DHX16: variants seen among roughly 807,000 people sequenced by gnomAD.
DHX16 encodes DEAH-box helicase 16, also known as pre-mRNA-splicing factor ATP-dependent RNA helicase DHX16.
DHX16 carries 81 observed loss-of-function variants against 131.2 expected under a neutral mutation model. That is an observed-to-expected ratio of 0.62 (90% CI 0.52 to 0.74). The LOEUF (loss-of-function observed/expected upper bound fraction) is 0.74. DHX16 is among the 30% of genes least tolerant of loss of function. The probability of loss-of-function intolerance (pLI) is 0.00; values close to 1 mark genes in which losing one functional copy is unlikely to be tolerated. For synonymous variants in DHX16, 440 were observed against 520.2 expected, an observed-to-expected ratio of 0.85 and a Z score of 2.10; for missense variants, 980 against 1,363.1, an observed-to-expected ratio of 0.72 and a Z score of 4.43.
At chr6:30,653,464 G>C in intron 19 of DHX16, 94 bp from the exon 20 acceptor site, 1 of 1,403,966 alleles carries the variant, frequency 7.1e-7, no homozygotes, top group Non-Finnish European at 9.4e-7. Context: ...ACAGAGTCTT[G>C]CTCTATTGCC....
Position 30,655,541 on chromosome 6 carries a change from G to A in DHX16, c.2555C>T (p.Ser852Phe). 1 of 1,613,094 alleles carries A rather than the reference G, an allele frequency of 6.2e-7. No individual in the cohort carries two copies. Residue 852 changes from serine (S) to phenylalanine (F), a missense_variant, in exon 17 of 20, where the codon TCC (serine) becomes TTC (phenylalanine). Physicochemically the swap from Ser to Phe is radical, Grantham distance 155. Around this residue, in one of 3 missense-constraint regions of DHX16, gnomAD observed 214 missense variants for 271.2 expected, o/e 0.79. Coordinates refer to ENST00000376442, the MANE Select transcript of DHX16 (RefSeq NM_003587.5). ...TVAAMLSVNN[S>F]IFYRPKDKVV... ...CTTGTCCTTTGGTCGGTAGAAGATG[G>A]AGTTGTTGACAGAGAGCATGGCAGC...
At chr6:30,653,964 A>G (rs903708619) in intron 19 of DHX16, among the ~76,000 whole-genome samples, 3 of 151,952 alleles carry the variant, frequency 2.0e-5, no homozygotes, top group Non-Finnish European at 4.4e-5. Context: ...TACTAAAAAT[A>G]TAAAATTAGC....
rs1428734386 is a variant in DHX16 at position 30,664,735 on chromosome 6, G to A, written c.1317+66C>T. 4.3e-6 allele frequency: 6 copies of A among 1,400,632 alleles called. No individual in the cohort carries two copies. In the African/African-American group the frequency reaches 4.3e-5, roughly 10 times the overall value. 86.8% of individuals were successfully genotyped at this position (1,400,632 alleles called of 1,614,324 possible). Reference sequence around the variant, plus strand: ...CTACTAAAAATATAATGTAAAAGGAGCTCTGACAGGAATGAGGACATTGAT... The same window carrying A: ...CTACTAAAAATATAATGTAAAAGGAACTCTGACAGGAATGAGGACATTGAT... On this transcript the variant is annotated intron_variant, in intron 7 of 19. Coordinates refer to ENST00000376442, the MANE Select transcript of DHX16 (RefSeq NM_003587.5).
At position 30,656,965 on chromosome 6, in the gene DHX16, G is replaced by A. The variant is rs749725967; in HGVS notation, c.2135C>T (p.Thr712Ile). ...CCCCAGGCTGACCTTGCTGCAGGGTGTGACAGTGAGCGATTCCATGCCTGT... is the reference window on the plus strand; with the variant it reads ...CCCCAGGCTGACCTTGCTGCAGGGTATGACAGTGAGCGATTCCATGCCTGT... ...PRTGMESLTV[T>I]PCSKASANQR... Residue 712 changes from threonine to isoleucine, a missense_variant, in exon 13 of 20, where the codon ACA becomes ATA. Thr to Ile is a moderately conservative substitution (Grantham distance 89). Transcript: ENST00000376442. The surrounding 1 kb of genome is among the most constrained non-coding windows in gnomAD (Gnocchi z 5.1). The A allele has an allele frequency of 6.2e-7, 1 of 1,612,742 alleles. No individual in the cohort carries two copies. Among genetic ancestry groups the A allele is most frequent in the Non-Finnish European group, 8.5e-7 (1 of 1,179,834 alleles).
At chr6:30,660,798 C>T (rs1038590100) in intron 9 of DHX16, among the ~76,000 whole-genome samples, 3 of 151,628 alleles carry the variant, frequency 2.0e-5, no homozygotes, top group Non-Finnish European at 4.4e-5. Flanking sequence ...AGGAGAATCG[C>T]TTGAACCTGG....
chr6:30,664,189 AAAAT>A (rs750384633), intron 7 of DHX16, among the ~76,000 whole-genome samples: 14 of 151,540 alleles, frequency 9.2e-5, no homozygotes, highest in Non-Finnish European at 2.1e-4. Flanking sequence ...GCCTGTCTCC[AAAAT>A]AAGGCAGGGG....
In DHX16 at chr6:30,660,119, G is replaced by A; in HGVS notation, c.1668C>T (p.Asp556=). 1.2e-6 allele frequency: 2 copies of A among 1,612,122 alleles called. No individual in the cohort carries two copies. Among genetic ancestry groups the A allele is most frequent in the East Asian group, 2.2e-5 (1 of 44,868 alleles). The stretch of plus-strand genomic sequence containing the variant: ...CAAAGAAGGTGGAAAAACGGGCAGT[G>A]TCCATTGTGGCTGAAGCCACCAGGA... ...LKVLVASATM[D]TARFSTFFDD... Residue 556 remains aspartate, a synonymous_variant, in exon 10 of 20, where the codon GAC becomes GAT. Transcript: ENST00000376442.
At chr6:30,658,655 G>A (rs1768197459) in intron 12 of DHX16, among the ~76,000 whole-genome samples, 1 of 151,850 alleles carries the variant, frequency 6.6e-6, no homozygotes, top group Non-Finnish European at 1.5e-5. Context: ...AGGCTGCAGT[G>A]AGCCGAGATC....
Position 30,656,058 on chromosome 6 carries a change from GCAAT to G in DHX16, c.2498+136_2498+139del, listed in dbSNP as rs1767947176. ...TTACCCTTGTGGGCCTCAAAAGGGGGCAATCAGAGTTATCTAATACTTTATTATG... is the reference window on the plus strand; with the variant it reads ...TTACCCTTGTGGGCCTCAAAAGGGGGCAGAGTTATCTAATACTTTATTATG... On this transcript the variant is annotated intron_variant, in intron 16 of 19. Transcript: ENST00000376442. The surrounding 1 kb of genome is among the most constrained non-coding windows in gnomAD (Gnocchi z 5.1). The G allele has an allele frequency of 6.0e-6, 5 of 830,424 alleles. No individual in the cohort carries two copies. Among genetic ancestry groups the G allele is most frequent in the Non-Finnish European group, 9.7e-6 (5 of 517,830 alleles). 51.4% of individuals were successfully genotyped at this position (830,424 alleles called of 1,614,324 possible).
At position 30,656,077 on chromosome 6, in the gene DHX16, ACTT is replaced by A; in HGVS notation, c.2498+118_2498+120del. On this transcript the variant is annotated intron_variant, in intron 16 of 19. Transcript: ENST00000376442. This position sits in a 1 kb window ranked among gnomAD's most constrained non-coding sequence, Gnocchi z 5.1. ...AAGGGGGCAATCAGAGTTATCTAAT[ACTT>A]TATTATGTGTTAAGGGATAGTATGA... 3 of 974,628 alleles carry A rather than the reference ACTT, an allele frequency of 3.1e-6. No homozygotes were observed. The South Asian group carries it at 4.1e-5, about 13-fold the overall frequency. The allele number at this position is 974,628 out of a possible 1,614,324, so 60.4% of individuals were successfully genotyped here.
chr6:30,663,988 G>C (rs1768766967), intron 7 of DHX16, among the ~76,000 whole-genome samples: 1 of 151,738 alleles, frequency 6.6e-6, no homozygotes, highest in African/African-American at 2.4e-5. Flanking sequence ...TCGCGCCACT[G>C]CACTCCAGCC....
chr6:30,655,475 G>A lies in DHX16; in HGVS notation c.2621C>T (p.Pro874Leu). The part of the protein sequence containing the change: ...ADNARVNFFL[P>L]GGDHLVLLNV... ...TAGCAGAACCAGGTGGTCACCGCCA[G>A]GGAGAAAGAAGTTGACACGGGCATT... is the stretch of plus-strand genomic sequence containing the variant. The change falls in exon 17 of 20, where the codon CCT becomes CTT. Residue 874 changes from proline (P) to leucine (L), a missense_variant. Around this residue, in one of 3 missense-constraint regions of DHX16, gnomAD observed 214 missense variants for 271.2 expected, o/e 0.79. Transcript: ENST00000376442. 6.2e-7 allele frequency: 1 copy of A among 1,613,524 alleles called. No individual in the cohort carries two copies. The highest frequency in any genetic ancestry group is 8.5e-7 in the Non-Finnish European group (1 of 1,180,042).
chr6:30,664,742 C>T, intron 7 of DHX16, 59 bp downstream of exon 7: 2 of 1,458,384 alleles, frequency 1.4e-6, no homozygotes, highest in Non-Finnish European at 1.9e-6. Flanking sequence ...GGAGCTCTGA[C>T]AGGAATGAGG....
chr6:30,663,496 C>T (rs1009808425), intron 7 of DHX16, among the ~76,000 whole-genome samples: 3 of 151,168 alleles, frequency 2.0e-5, no homozygotes, highest in Non-Finnish European at 2.9e-5. Flanking sequence ...CCGAGGCAGA[C>T]GGATCTCCTG....
Position 30,654,748 on chromosome 6 carries a change from G to A in DHX16, c.2955C>T (p.Leu985=), listed in dbSNP as rs1767801061. ...SLFEQQPRWL[L]YHELVLTTKE... ...TGGTGGTCAAGACAAGTTCGTGGTA[G>A]AGCAGCCAGCGTGGCTGTTGCTCAA... Residue 985 remains leucine (L), a synonymous_variant, in exon 19 of 20, where the codon CTC becomes CTT. Coordinates refer to ENST00000376442, the MANE Select transcript of DHX16 (RefSeq NM_003587.5). The A allele has an allele frequency of 1.2e-6, 2 of 1,613,058 alleles. No homozygotes were observed. Among genetic ancestry groups the A allele is most frequent in the Non-Finnish European group, 1.7e-6 (2 of 1,180,018 alleles).
In DHX16 at chr6:30,672,997, C is replaced by T. The variant is rs1173493327; in HGVS notation, c.-156G>A. On this transcript the variant is annotated 5_prime_UTR_variant, in exon 1 of 20. Coordinates refer to ENST00000376442, the MANE Select transcript of DHX16 (RefSeq NM_003587.5). ...TCTTCCGACATCCCAAAGCTGTCTT[C>T]CCGTACCGCGGAGCCCGGAAGGGGC... The T allele has an allele frequency of 6.4e-7, 1 of 1,550,702 alleles. No homozygotes were observed. Among genetic ancestry groups the T allele is most frequent in the South Asian group, 1.2e-5 (1 of 83,452 alleles).
chr6:30,657,325 G>T (rs1011605240), intron 12 of DHX16, among the ~76,000 whole-genome samples: 10 of 150,752 alleles, frequency 6.6e-5, no homozygotes, highest in South Asian at 2.2e-4. Context: ...AGAGGATTTA[G>T]GGTTTTTTTT....
In DHX16 at chr6:30,670,769, G is replaced by C. The variant is rs1438988379; in HGVS notation, c.609+21C>G. ...CACCCTGGGATCTTGGGGATTTACA[G>C]AACATGCTGCTCCTATTCACCTTCT... is the stretch of plus-strand genomic sequence containing the variant. On this transcript the variant is annotated intron_variant, in intron 3 of 19. Coordinates refer to ENST00000376442, the MANE Select transcript of DHX16 (RefSeq NM_003587.5). This position sits in a 1 kb window ranked among gnomAD's most constrained non-coding sequence, Gnocchi z 4.4. 6.2e-7 allele frequency: 1 copy of C among 1,612,336 alleles called. No individual in the cohort carries two copies. Among genetic ancestry groups the C allele is most frequent in the South Asian group, 1.1e-5 (1 of 91,086 alleles).
chr6:30,670,492 G>A lies in DHX16; in HGVS notation c.610-26C>T, dbSNP rs756915196. Reference sequence around the variant, plus strand: ...CTAGAAGAAAAAACAAGAATGGAGGGGTGTGAGGCCAAAGAGCCCCCACAC... The same window carrying A: ...CTAGAAGAAAAAACAAGAATGGAGGAGTGTGAGGCCAAAGAGCCCCCACAC... On this transcript the variant is annotated intron_variant, in intron 3 of 19. Coordinates refer to ENST00000376442, the MANE Select transcript of DHX16 (RefSeq NM_003587.5). The surrounding 1 kb of genome is among the most constrained non-coding windows in gnomAD (Gnocchi z 4.4). 15 of 1,606,274 alleles carry A rather than the reference G, an allele frequency of 9.3e-6. No homozygotes were observed. In the African/African-American group the frequency reaches 1.6e-4, roughly 17 times the overall value.
Sources: gnomAD v4.1 joint callset for allele counts (sites outside exome capture counted in the v4.1 genomes callset) on GRCh38, gnomAD v4.1.1 for gene constraint, gnomAD v4.1.1 regional missense constraint, Gnocchi (gnomAD v3.1) non-coding constraint, MANE v1.5 for transcripts, NCBI Gene and HGNC (gene_info 2026-07-23, HGNC 2026-07-21) for gene names.